The following HHIPL1 variants were observed in gnomAD, a reference collection of about 807,000 sequenced individuals.
HHIPL1 encodes HHIP like 1, also known as HHIP-like protein 1.
A neutral mutation model predicts 61.8 loss-of-function variants in HHIPL1; 43 were observed. The ratio of observed to expected loss-of-function variants is 0.70; its 90% CI spans 0.55 to 0.90. HHIPL1 has a LOEUF of 0.90. HHIPL1 is among the 40% of genes least tolerant of loss of function. HHIPL1 has a pLI of 0.00. For missense variants in HHIPL1, 1,056 were observed against 1,157.7 expected, an observed-to-expected ratio of 0.91 and a Z score of 1.28; for synonymous variants, 482 against 515.8, an observed-to-expected ratio of 0.93 and a Z score of 0.89.
In HHIPL1 at chr14:99,652,297, T is replaced by C; in HGVS notation, c.329T>C (p.Leu110Pro). 6.2e-7 allele frequency: 1 copy of C among 1,614,068 alleles called. No individual in the cohort carries two copies. The highest frequency in any genetic ancestry group is 8.5e-7 in the Non-Finnish European group (1 of 1,180,038). The change falls in exon 2 of 9, where the codon CTC (leucine) becomes CCC (proline). Residue 110 changes from leucine (L) to proline (P), a missense_variant. Transcript: ENST00000330710. ...PFTPLRTVPGLCQDYCLDMWH... is the reference protein window; with the variant it reads ...PFTPLRTVPGPCQDYCLDMWH... ...ACGCCCCTGCGCACGGTGCCCGGGC[T>C]CTGCCAGGATTACTGCCTGGACATG... is the stretch of plus-strand genomic sequence containing the variant.
rs1280107525 is a variant in HHIPL1, at chr14:99,645,539, G to A, written c.255+77G>A. On this transcript the variant is annotated intron_variant, in intron 1 of 8. Transcript: ENST00000330710. The stretch of plus-strand genomic sequence containing the variant: ...TGGAGCAGAGATCGGAACCCCGCGG[G>A]GGCGAGGGCCAAGAGTGGGCGGCGG... 3 of 1,228,070 alleles carry A rather than the reference G, an allele frequency of 2.4e-6. No individual in the cohort carries two copies. In the Admixed American group the frequency reaches 1.3e-4, roughly 53 times the overall value. 76.1% of individuals were successfully genotyped at this position (1,228,070 alleles called of 1,614,324 possible). A position where few individuals can be genotyped will look rare whatever the true frequency, so the allele number is the denominator to read the frequency against.
At chr14:99,655,972 A>T (rs1301940343) in intron 2 of HHIPL1, among the ~76,000 whole-genome samples, 1 of 152,162 alleles carries the variant, frequency 6.6e-6, no homozygotes, top group Non-Finnish European at 1.5e-5. Flanking sequence ...AGCCAAAGAA[A>T]CCTGGTCTCT....
the HHIPL1 span, among the ~76,000 whole-genome samples, chr14:99,626,116 C>T: frequency 7.9e-5 from 12 of 152,130 alleles, no homozygotes; most frequent in South Asian, 2.1e-4. Flanking sequence ...CTGACTTTGA[C>T]GCTATGAGAA....
chr14:99,645,477 G>A lies in HHIPL1; in HGVS notation c.255+15G>A. The A allele has an allele frequency of 7.9e-7, 1 of 1,269,880 alleles. No homozygotes were observed. Among genetic ancestry groups the A allele is most frequent in the Non-Finnish European group, 9.9e-7 (1 of 1,013,272 alleles). 78.7% of individuals were successfully genotyped at this position (1,269,880 alleles called of 1,614,324 possible). A position where few individuals can be genotyped will look rare whatever the true frequency, so the allele number is the denominator to read the frequency against. ...TGCTGTGCCAGGTGAGCGGGCGCGC[G>A]GCCACCGGGCGGGGCGGGGCGCGGG... On this transcript the variant is annotated intron_variant, in intron 1 of 8. Transcript: ENST00000330710.
chr14:99,625,342 A>C, the HHIPL1 span: 1,746 of 152,430 alleles, frequency 0.011, 43 homozygotes, highest in African/African-American at 0.04. Flanking sequence ...TGGGAGGTGC[A>C]ATCAGGTCTG....
rs763928804 is a variant in HHIPL1 at position 99,668,301 on chromosome 14, C to T, written c.1728C>T (p.Ser576=). ...TTGTCTACAAAATAATTGACGCATC[C>T]AGGTGAGTCCCAGCCTCCAGGACAG... ...RGVVYKIIDA[S]RRAPPGKCQI... is the part of the protein sequence containing the mutation. Residue 576 remains serine (S), a splice_region_variant and synonymous_variant, in exon 7 of 9, where the codon TCC becomes TCT. Coordinates refer to ENST00000330710, the MANE Select transcript of HHIPL1 (RefSeq NM_001127258.3). This position sits in a 1 kb window ranked among gnomAD's most constrained non-coding sequence, Gnocchi z 4.7. 2.1e-5 allele frequency: 34 copies of T among 1,597,478 alleles called. No homozygotes were observed. The South Asian group carries it at 3.7e-4, about 18-fold the overall frequency.
the HHIPL1 span, among the ~76,000 whole-genome samples, chr14:99,635,643 GCCC>G: frequency 6.6e-6 from 1 of 151,164 alleles, no homozygotes; most frequent in South Asian, 2.1e-4. Context: ...GCAGTGGTGA[GCCC>G]ATCTCATTCA....
intron 6 of HHIPL1, among the ~76,000 whole-genome samples, chr14:99,664,043 A>T (rs935976206): frequency 6.6e-6 from 1 of 152,314 alleles, no homozygotes; most frequent in East Asian, 1.9e-4. Flanking sequence ...GGCACTTGTC[A>T]ATGCAAGGGA....
chr14:99,622,055 A>G, the HHIPL1 span, among the ~76,000 whole-genome samples: 2 of 151,918 alleles, frequency 1.3e-5, no homozygotes, highest in East Asian at 1.9e-4. Context: ...GGCGGGGGAA[A>G]AAGGACCTTG....
At chr14:99,623,067 T>C in the HHIPL1 span, among the ~76,000 whole-genome samples, 44 of 152,298 alleles carry the variant, frequency 2.9e-4, no homozygotes, top group African/African-American at 1.1e-3. Flanking sequence ...GAGACGCGTG[T>C]GCTGAGCCTG....
chr14:99,668,787 T>A lies in HHIPL1; in HGVS notation c.1730+484T>A. ...TCCATCTTCCACTGGGGAAAACACATTGGGGCTCCCTTCGCCGGCTCCATC... is the reference window on the plus strand; with the variant it reads ...TCCATCTTCCACTGGGGAAAACACAATGGGGCTCCCTTCGCCGGCTCCATC... On this transcript the variant is annotated intron_variant, in intron 7 of 8. Coordinates refer to ENST00000330710, the MANE Select transcript of HHIPL1 (RefSeq NM_001127258.3). This position sits in a 1 kb window ranked among gnomAD's most constrained non-coding sequence, Gnocchi z 4.7. The A allele has an allele frequency of 6.2e-7, 1 of 1,606,004 alleles. No homozygotes were observed. Among genetic ancestry groups the A allele is most frequent in the East Asian group, 2.2e-5 (1 of 44,744 alleles).
the HHIPL1 span, among the ~76,000 whole-genome samples, chr14:99,632,722 C>T: frequency 2.6e-5 from 4 of 152,146 alleles, no homozygotes; most frequent in Admixed American, 1.3e-4. Flanking sequence ...TACAGGCAAG[C>T]GTTAAGACTG....
the HHIPL1 span, chr14:99,604,727 TCCCTCTCCCCAGATAAACAAATA>T: frequency 6.6e-6 from 1 of 151,990 alleles, no homozygotes; most frequent in East Asian, 1.9e-4. Flanking sequence ...CCGGTCCTCT[TCCCTCTCCCCAGATAAACAAATA>T]CCCACGATCC....
the HHIPL1 span, among the ~76,000 whole-genome samples, chr14:99,625,945 C>T: frequency 6.6e-6 from 1 of 152,156 alleles, no homozygotes; most frequent in African/African-American, 2.4e-5. Context: ...ATCTGCATAA[C>T]AGTGCAAAAT....
chr14:99,668,779 A>G lies in HHIPL1; in HGVS notation c.1730+476A>G, dbSNP rs2056289450. The stretch of plus-strand genomic sequence containing the variant: ...TCCTGTGGTCCATCTTCCACTGGGG[A>G]AAACACATTGGGGCTCCCTTCGCCG... On this transcript the variant is annotated intron_variant, in intron 7 of 8. Transcript: ENST00000330710. The surrounding 1 kb of genome is among the most constrained non-coding windows in gnomAD (Gnocchi z 4.7). 1.3e-6 allele frequency: 2 copies of G among 1,598,586 alleles called. No individual in the cohort carries two copies. The highest frequency in any genetic ancestry group is 1.7e-4 in the Middle Eastern group (1 of 6,010).
At chr14:99,646,383 G>C (rs527443621) in intron 1 of HHIPL1, among the ~76,000 whole-genome samples, 6 of 152,392 alleles carry the variant, frequency 3.9e-5, no homozygotes, top group African/African-American at 1.4e-4. Flanking sequence ...GTGGTGTGGG[G>C]AAGGGCAAGA....
chr14:99,657,853 C>T (rs1288567321), intron 3 of HHIPL1, among the ~76,000 whole-genome samples: 1 of 151,132 alleles, frequency 6.6e-6, no homozygotes, highest in Admixed American at 6.6e-5. Context: ...ACCACATACA[C>T]ACAATACACA....
At chr14:99,647,945 C>G (rs1317266946) in intron 1 of HHIPL1, among the ~76,000 whole-genome samples, 1 of 152,196 alleles carries the variant, frequency 6.6e-6, no homozygotes, top group Non-Finnish European at 1.5e-5. Context: ...CGCTAACCTC[C>G]CCTGTGACTG....
chr14:99,658,211 A>G (rs541280371), intron 3 of HHIPL1, among the ~76,000 whole-genome samples: 36 of 152,354 alleles, frequency 2.4e-4, no homozygotes, highest in African/African-American at 8.2e-4. Context: ...GAAGTTGAGA[A>G]AACAGAAATT....
Sources: gnomAD v4.1 joint callset for allele counts (sites outside exome capture counted in the v4.1 genomes callset) on GRCh38, gnomAD v4.1.1 for gene constraint, Gnocchi (gnomAD v3.1) non-coding constraint, MANE v1.5 for transcripts, NCBI Gene and HGNC (gene_info 2026-07-23, HGNC 2026-07-21) for gene names.